IL16: variants seen among roughly 807,000 people sequenced by gnomAD.
IL16 encodes pro-interleukin-16.
Under a neutral mutation model 110.1 loss-of-function variants are expected in IL16, and 67 were observed. The ratio of observed to expected loss-of-function variants is 0.61; its 90% CI spans 0.50 to 0.75. The LOEUF (loss-of-function observed/expected upper bound fraction) is 0.75. Ranked by LOEUF, IL16 falls within the 30% of genes least tolerant of loss-of-function variation. IL16 has a pLI of 0.00. For synonymous variants in IL16, 689 were observed against 662.9 expected, an observed-to-expected ratio of 1.04 and a Z score of -0.61; for missense variants, 1,545 against 1,655.0, an observed-to-expected ratio of 0.93 and a Z score of 1.15.
At position 81,280,842 on chromosome 15, in the gene IL16, G is replaced by C. The variant is rs148417010; in HGVS notation, c.1081+1068G>C. On this transcript the variant is annotated intron_variant, in intron 8 of 18. Transcript: ENST00000683961. ...CTGTGCTGGCATGGTCCCAACAGCT[G>C]TAACCAGGGCTCCCGCAGTGCATTT... Among the ~76,000 whole-genome samples the C allele has an allele frequency of 2.3e-3, 357 of 152,334 alleles. 5 individuals are homozygous for C. The highest frequency in any genetic ancestry group is 0.021 in the Admixed American group (317 of 15,304).
chr15:81,245,681 C>A (rs1253329955), intron 2 of IL16, among the ~76,000 whole-genome samples: 1 of 147,206 alleles, frequency 6.8e-6, no homozygotes, highest in African/African-American at 2.6e-5. Context: ...CTGAACAGTC[C>A]CTTCATGGTC....
intron 2 of IL16, among the ~76,000 whole-genome samples, chr15:81,256,292 A>C (rs988531497): frequency 2.7e-5 from 4 of 149,628 alleles, no homozygotes; most frequent in African/African-American, 9.8e-5. Context: ...TTAACTTACT[A>C]TGATAACACA....
rs370802788 is a variant in IL16 at position 81,299,578 on chromosome 15, A to C, written c.2252A>C (p.Gln751Pro). Residue 751 changes from glutamine to proline, a missense_variant, in exon 14 of 19, where the codon CAG becomes CCG. Coordinates refer to ENST00000683961, the MANE Select transcript of IL16 (RefSeq NM_172217.5). ...NASLNEEEGT[Q>P]GHPDGTPPKL... ...AGCCTGAATGAAGAAGAAGGGACAC[A>C]GGGCCACCCAGATGGGACCCCACCA... 3 of 1,614,096 alleles carry C rather than the reference A, an allele frequency of 1.9e-6. No individual in the cohort carries two copies. The African/African-American group carries it at 4.0e-5, about 22-fold the overall frequency.
At chr15:81,266,917 C>T (rs1898407457) in intron 4 of IL16, among the ~76,000 whole-genome samples, 1 of 152,236 alleles carries the variant, frequency 6.6e-6, no homozygotes, top group Admixed American at 6.5e-5. Flanking sequence ...TGAATTTCAT[C>T]TCTCTCTTCC....
Position 81,234,781 on chromosome 15 carries a change from G to C in IL16, c.312+9070G>C, listed in dbSNP as rs907705454. Among the ~76,000 whole-genome samples the C allele has an allele frequency of 1.3e-4, 20 of 152,116 alleles. 1 individual carries two copies. The highest frequency in any genetic ancestry group is 1.3e-4 in the Admixed American group (2 of 15,270). ...GGCCCTAGAATGAAAGTACACATGA[G>C]ATCTACATGTTAAGTGTCTAAAAAG... On this transcript the variant is annotated intron_variant, in intron 2 of 18. Transcript: ENST00000683961.
chr15:81,237,039 A>G (rs979389457), intron 2 of IL16, among the ~76,000 whole-genome samples: 8 of 152,186 alleles, frequency 5.3e-5, no homozygotes, highest in Non-Finnish European at 1.2e-4. Context: ...CTTCATTTGT[A>G]CATTACAACC....
Position 81,309,060 on chromosome 15 carries a change from G to A in IL16, c.*262G>A. 5.3e-6 allele frequency: 2 copies of A among 374,854 alleles called. No individual in the cohort carries two copies. Among genetic ancestry groups the A allele is most frequent in the Non-Finnish European group, 9.5e-6 (2 of 210,306 alleles). 23.2% of individuals were successfully genotyped at this position (374,854 alleles called of 1,614,324 possible). On this transcript the variant is annotated 3_prime_UTR_variant, in exon 19 of 19. Coordinates refer to ENST00000683961, the MANE Select transcript of IL16 (RefSeq NM_172217.5). ...GAGAGCTTAATGATAATATTGTGGT[G>A]CCACAAATAAAATGGATTTATTAGA...
chr15:81,271,381 GA>G (rs944277033), intron 5 of IL16, among the ~76,000 whole-genome samples: 5 of 152,158 alleles, frequency 3.3e-5, no homozygotes, highest in African/African-American at 1.2e-4. Flanking sequence ...GCTGAGGTGG[GA>G]GGATTGCTTG....
rs752871703 is a variant in IL16, at chr15:81,259,747, TA to T, written c.313-20del. On this transcript the variant is annotated intron_variant, in intron 2 of 18. Transcript: ENST00000683961. ...AAGTTTTCTATTCTAACTTGCTGAATAAAAAGACGGCAATTGTTTTGCAGGA... is the reference window on the plus strand; with the variant it reads ...AAGTTTTCTATTCTAACTTGCTGAATAAAAGACGGCAATTGTTTTGCAGGA... 20 of 1,542,564 alleles carry T rather than the reference TA, an allele frequency of 1.3e-5. No individual in the cohort carries two copies. In the Admixed American group the frequency reaches 1.5e-4, roughly 12 times the overall value.
chr15:81,298,680 T>C (rs879500465), intron 13 of IL16, among the ~76,000 whole-genome samples: 3 of 152,198 alleles, frequency 2.0e-5, no homozygotes, highest in Non-Finnish European at 2.9e-5. Flanking sequence ...CTGGAACCTT[T>C]TCATCAGCTT....
At chr15:81,257,956 C>T (rs1898007239) in intron 2 of IL16, among the ~76,000 whole-genome samples, 1 of 152,136 alleles carries the variant, frequency 6.6e-6, no homozygotes, top group Non-Finnish European at 1.5e-5. Context: ...CCTAGACATG[C>T]AGATATTCAG....
intron 2 of IL16, among the ~76,000 whole-genome samples, chr15:81,238,687 A>G (rs1250055925): frequency 1.3e-5 from 2 of 152,080 alleles, no homozygotes; most frequent in African/African-American, 2.4e-5. Context: ...ATGATCTATT[A>G]TGTTTATTTA....
In IL16 at chr15:81,265,091, C is replaced by A. The variant is rs549044197; in HGVS notation, c.422-568C>A. ...AGTTCCCGGTTGGATGAAAGGAAGTCTGTGGTTTCCACAAAGTAGAGGAAG... is the reference window on the plus strand; with the variant it reads ...AGTTCCCGGTTGGATGAAAGGAAGTATGTGGTTTCCACAAAGTAGAGGAAG... On this transcript the variant is annotated intron_variant, in intron 3 of 18. Coordinates refer to ENST00000683961, the MANE Select transcript of IL16 (RefSeq NM_172217.5). Among the ~76,000 whole-genome samples the A allele has an allele frequency of 5.9e-5, 9 of 152,138 alleles. 1 individual carries two copies. The South Asian group carries it at 1.9e-3, about 32-fold the overall frequency.
intron 2 of IL16, among the ~76,000 whole-genome samples, chr15:81,243,327 C>A (rs1897417164): frequency 6.7e-6 from 1 of 150,342 alleles, no homozygotes; most frequent in African/African-American, 2.4e-5. Context: ...AGGCATGTGC[C>A]ACCATGCCTG....
intron 1 of IL16, among the ~76,000 whole-genome samples, chr15:81,221,699 T>C (rs1025861701): frequency 1.3e-5 from 2 of 151,708 alleles, no homozygotes; most frequent in African/African-American, 4.9e-5. Context: ...AAAAAATCCA[T>C]AATGACAAGG....
In IL16 at chr15:81,310,460, A is replaced by T. The variant is rs1243602335; in HGVS notation, c.*1662A>T. 6 of 152,262 alleles carry T rather than the reference A, an allele frequency of 3.9e-5. No individual in the cohort carries two copies. In the East Asian group the frequency reaches 1.2e-3, roughly 29 times the overall value. The allele number at this position is 152,262 out of a possible 1,614,324, so 9.4% of individuals were successfully genotyped here. A position where few individuals can be genotyped will look rare whatever the true frequency, so the allele number is the denominator to read the frequency against. On this transcript the variant is annotated 3_prime_UTR_variant, in exon 19 of 19. Transcript: ENST00000683961. ...CTGGTTAACTTGTTTGGCCTATTCC[A>T]TTCTGGATTTTGTCAAGCAGTAGAC...
At chr15:81,280,537 C>T (rs998244492) in intron 8 of IL16, among the ~76,000 whole-genome samples, 38 of 152,182 alleles carry the variant, frequency 2.5e-4, no homozygotes, top group African/African-American at 8.0e-4. Context: ...GGGTTCTTCA[C>T]GGAGAATGGC....
At chr15:81,299,285 A>G (rs777810516) in intron 13 of IL16, 95 bp from the exon 14 acceptor site, 468 of 1,596,296 alleles carry the variant, frequency 2.9e-4, no homozygotes, top group Non-Finnish European at 3.5e-4. Context: ...CCTCCTCTTG[A>G]ATCCTTCTTG....
At position 81,303,759 on chromosome 15, in the gene IL16, A is replaced by G; in HGVS notation, c.3420+109A>G. On this transcript the variant is annotated intron_variant, in intron 16 of 18. Transcript: ENST00000683961. This position sits in a 1 kb window ranked among gnomAD's most constrained non-coding sequence, Gnocchi z 4.1. ...GTGCTGGGGAAATGAAGAATGCATG[A>G]CACTAGGCCACTGGGCAGGTCCTGT... The G allele has an allele frequency of 2.7e-6, 2 of 735,918 alleles. No homozygotes were observed. The highest frequency in any genetic ancestry group is 2.1e-5 in the Admixed American group (1 of 48,016). 45.6% of individuals were successfully genotyped at this position (735,918 alleles called of 1,614,324 possible).
Sources: allele counts gnomAD v4.1 joint callset (sites outside exome capture counted in the v4.1 genomes callset), GRCh38; gene constraint gnomAD v4.1.1; non-coding constraint Gnocchi (gnomAD v3.1); transcripts MANE v1.5; gene names NCBI Gene and HGNC (gene_info 2026-07-23, HGNC 2026-07-21).